The following AGBL1 variants were observed in gnomAD, a reference collection of about 807,000 sequenced individuals.
AGBL1 encodes the protein AGBL carboxypeptidase 1.
A neutral mutation model predicts 118.9 loss-of-function variants in AGBL1; 130 were observed. The ratio of observed to expected loss-of-function variants is 1.09; its 90% CI spans 0.95 to 1.26. AGBL1 has a LOEUF of 1.26. AGBL1 is among the 50% of genes most tolerant of loss of function. AGBL1 has a pLI of 0.00. For synonymous variants in AGBL1, 555 were observed against 478.9 expected, an observed-to-expected ratio of 1.16 and a Z score of -2.08; for missense variants, 1,584 against 1,298.1, an observed-to-expected ratio of 1.22 and a Z score of -3.38.
chr15:86,790,540 C>T (rs2078477648), intron 22 of AGBL1, among the ~76,000 whole-genome samples: 1 of 152,112 alleles, frequency 6.6e-6, no homozygotes, highest in Non-Finnish European at 1.5e-5. Flanking sequence ...GCTATTTGAA[C>T]CTCTTTTCTA....
At chr15:86,976,049 G>A (rs1182920172) in intron 23 of AGBL1, among the ~76,000 whole-genome samples, 1 of 151,946 alleles carries the variant, frequency 6.6e-6, no homozygotes, top group Non-Finnish European at 1.5e-5. Flanking sequence ...AAATTATTAT[G>A]TTGGTTACAC....
downstream of AGBL1, among the ~76,000 whole-genome samples, chr15:87,030,012 T>C (rs1198091726): frequency 6.6e-6 from 1 of 151,230 alleles, no homozygotes; most frequent in Non-Finnish European, 1.5e-5. Flanking sequence ...TAAGGATAAA[T>C]GAAAAAAAAA....
At chr15:86,642,223 G>C (rs1387683790) in intron 21 of AGBL1, among the ~76,000 whole-genome samples, 1 of 152,118 alleles carries the variant, frequency 6.6e-6, no homozygotes, top group Non-Finnish European at 1.5e-5. Flanking sequence ...ATAATCAGAA[G>C]GGTTGAAGAA....
rs778703793 is a variant in AGBL1, at chr15:86,738,912, GA to G, written c.3158+64477del. ...TCAACAGTTTGGGAGTCCAAGGCAG[GA>G]GGATCGTTGAGCCCAGAAGTTTGAG... On this transcript the variant is annotated intron_variant, in intron 22 of 22. Coordinates refer to ENST00000614907, the MANE Select transcript of AGBL1 (RefSeq NM_001386094.1). Among the ~76,000 whole-genome samples, 83 of 152,010 alleles carry G rather than the reference GA, an allele frequency of 5.5e-4. 1 individual carries two copies. Among genetic ancestry groups the G allele is most frequent in the Non-Finnish European group, 7.6e-4 (52 of 68,008 alleles).
chr15:86,182,169 C>T (rs974876735), intron 5 of AGBL1, among the ~76,000 whole-genome samples: 4 of 152,060 alleles, frequency 2.6e-5, no homozygotes, highest in South Asian at 2.1e-4. Flanking sequence ...ACATTTGAGA[C>T]GAGTGGTAAT....
chr15:86,979,886 C>T (rs979447282), intron 23 of AGBL1, among the ~76,000 whole-genome samples: 5 of 152,096 alleles, frequency 3.3e-5, no homozygotes, highest in Non-Finnish European at 7.4e-5. Context: ...TCACTGTTTC[C>T]CTTTCCCATC....
At chr15:86,944,535 A>C (rs2141659674) in intron 23 of AGBL1, among the ~76,000 whole-genome samples, 1 of 152,290 alleles carries the variant, frequency 6.6e-6, no homozygotes, top group South Asian at 2.1e-4. Flanking sequence ...ATTCGACTGG[A>C]CATCGCTTTG....
chr15:86,632,823 T>C (rs72762043), intron 21 of AGBL1, among the ~76,000 whole-genome samples: 17,502 of 123,420 alleles, frequency 0.14, 1,153 homozygotes, highest in East Asian at 0.19. Context: ...AGTTAATTTG[T>C]AAAAAAGGTT....
chr15:87,018,722 C>T (rs764017454), intron 24 of AGBL1, among the ~76,000 whole-genome samples: 4 of 152,040 alleles, frequency 2.6e-5, no homozygotes, highest in Non-Finnish European at 5.9e-5. Context: ...AACAAGTCTG[C>T]AAAATAACTA....
chr15:86,953,945 AAAG>A (rs1230632694), intron 23 of AGBL1, among the ~76,000 whole-genome samples: 4 of 152,158 alleles, frequency 2.6e-5, no homozygotes, highest in Admixed American at 2.0e-4. Context: ...CTGGCTAAAA[AAAG>A]AAGATGGACA....
intron 22 of AGBL1, among the ~76,000 whole-genome samples, chr15:86,722,422 A>C (rs978453283): frequency 6.6e-6 from 1 of 152,240 alleles, no homozygotes; most frequent in Non-Finnish European, 1.5e-5. Context: ...TTCCCTGTTT[A>C]ATAAATGGTG....
intron 21 of AGBL1, among the ~76,000 whole-genome samples, chr15:86,657,488 T>G (rs1244899467): frequency 6.6e-6 from 1 of 152,190 alleles, no homozygotes; most frequent in East Asian, 1.9e-4. Context: ...TGTGTGTGTT[T>G]GTATGTACAC....
intron 21 of AGBL1, among the ~76,000 whole-genome samples, chr15:86,614,549 CTTTGA>C (rs2084697303): frequency 6.6e-6 from 1 of 152,120 alleles, no homozygotes; most frequent in African/African-American, 2.4e-5. Flanking sequence ...TTGAAATGAG[CTTTGA>C]TTTGTAGTGT....
chr15:86,746,666 C>T (rs1212942935), intron 22 of AGBL1, among the ~76,000 whole-genome samples: 3 of 152,004 alleles, frequency 2.0e-5, no homozygotes, highest in African/African-American at 7.2e-5. Context: ...CAATGAAGCA[C>T]TTATTGGATG....
chr15:86,294,118 C>T (rs901354508), intron 16 of AGBL1, among the ~76,000 whole-genome samples: 1 of 151,930 alleles, frequency 6.6e-6, no homozygotes, highest in South Asian at 2.1e-4. Context: ...TAACCAGGGG[C>T]GGGATGTGGT....
chr15:86,331,107 C>G (rs1190089613), intron 17 of AGBL1, among the ~76,000 whole-genome samples: 2 of 151,428 alleles, frequency 1.3e-5, no homozygotes, highest in African/African-American at 4.9e-5. Context: ...ACCTGTAATC[C>G]CAGCTACTCA....
At chr15:86,551,605 T>G (rs1018224724) in intron 20 of AGBL1, among the ~76,000 whole-genome samples, 1 of 152,210 alleles carries the variant, frequency 6.6e-6, no homozygotes, top group Non-Finnish European at 1.5e-5. Context: ...AATGGCTTTG[T>G]TGATACATTC....
chr15:86,864,601 C>T lies in AGBL1; in HGVS notation c.3159-42486C>T, dbSNP rs532657752. 2.6e-3 allele frequency among the ~76,000 whole-genome samples: 401 copies of T among 152,274 alleles called. 3 individuals carry two copies. The highest frequency in any genetic ancestry group is 8.9e-3 in the African/African-American group (368 of 41,570). ...TACTACTCTACTAAGCTACCTCCAC[C>T]AAAATCAAGATGTTGATCTCACTGA... On this transcript the variant is annotated intron_variant, in intron 22 of 22. Coordinates refer to ENST00000614907, the MANE Select transcript of AGBL1 (RefSeq NM_001386094.1).
At chr15:86,753,438 C>A (rs530207597) in intron 22 of AGBL1, among the ~76,000 whole-genome samples, 1 of 143,864 alleles carries the variant, frequency 7.0e-6, no homozygotes, top group Non-Finnish European at 1.5e-5. Flanking sequence ...TACTCTGTCG[C>A]CCAGGCTGGA....
Sources: allele counts gnomAD v4.1 joint callset (sites outside exome capture counted in the v4.1 genomes callset), GRCh38; gene constraint gnomAD v4.1.1; transcripts MANE v1.5; gene names NCBI Gene and HGNC (gene_info 2026-07-23, HGNC 2026-07-21).